Variants in CCDC102B observed in about 807,000 individuals in gnomAD.
CCDC102B encodes coiled-coil domain containing 102B.
CCDC102B carries 75 observed loss-of-function variants against 57.4 expected under a neutral mutation model. The ratio of observed to expected loss-of-function variants is 1.31; its 90% CI spans 1.08 to 1.58. The LOEUF (loss-of-function observed/expected upper bound fraction) is 1.58, where lower values mean the gene tolerates loss of function less well. CCDC102B is among the 40% of genes most tolerant of loss of function. The pLI, the probability that CCDC102B is intolerant of heterozygous loss-of-function variation, is 0.00. For missense variants in CCDC102B, 636 were observed against 582.6 expected (o/e 1.09, Z -0.94); for synonymous variants, 206 against 201.9 (o/e 1.02, Z -0.17).
At chr18:68,790,625 G>A (rs895039799) in intron 2 of CCDC102B, among the ~76,000 whole-genome samples, 4 of 152,090 alleles carry the variant, frequency 2.6e-5, no homozygotes, top group Non-Finnish European at 4.4e-5. Context: ...TCTTTGACTC[G>A]GAAAGGGAAC....
At chr18:69,031,767 C>T (rs1599874047) in intron 7 of CCDC102B, among the ~76,000 whole-genome samples, 1 of 151,870 alleles carries the variant, frequency 6.6e-6, no homozygotes, top group South Asian at 2.1e-4. Flanking sequence ...TGTAGACAGC[C>T]GATGGTGTGG....
upstream of CCDC102B, among the ~76,000 whole-genome samples, chr18:68,796,585 T>C (rs939240617): frequency 2.6e-5 from 4 of 152,072 alleles, no homozygotes; most frequent in Admixed American, 2.6e-4. Flanking sequence ...AGAGAGAATA[T>C]ACCATTTATA....
intron 3 of CCDC102B, among the ~76,000 whole-genome samples, chr18:68,843,429 T>C (rs2037723174): frequency 6.6e-6 from 1 of 152,112 alleles, no homozygotes; most frequent in Non-Finnish European, 1.5e-5. Context: ...ACCTTTCATC[T>C]ATGAGAAATA....
At chr18:68,752,718 A>G (rs917114329) in intron 2 of CCDC102B, among the ~76,000 whole-genome samples, 6 of 152,204 alleles carry the variant, frequency 3.9e-5, no homozygotes, top group East Asian at 1.9e-4. Context: ...ATTCCAAATT[A>G]TGTGTATGTT....
intron 7 of CCDC102B, among the ~76,000 whole-genome samples, chr18:69,039,398 T>C (rs1287268860): frequency 1.3e-5 from 2 of 152,050 alleles, no homozygotes; most frequent in African/African-American, 4.8e-5. Context: ...TTTCACTAAT[T>C]TGGGTCATGT....
intron 6 of CCDC102B, among the ~76,000 whole-genome samples, chr18:68,997,950 C>T (rs1316172017): frequency 6.6e-6 from 1 of 151,772 alleles, no homozygotes; most frequent in African/African-American, 2.4e-5. Flanking sequence ...TGAATCATTA[C>T]TTCTTAGGAT....
At chr18:69,043,458 G>A (rs999693902) in intron 7 of CCDC102B, among the ~76,000 whole-genome samples, 7 of 152,062 alleles carry the variant, frequency 4.6e-5, no homozygotes, top group African/African-American at 1.7e-4. Flanking sequence ...CCATATTTCA[G>A]ACTATCACAT....
chr18:68,723,371 C>T (rs1302210795), intron 2 of CCDC102B, among the ~76,000 whole-genome samples: 1 of 152,136 alleles, frequency 6.6e-6, no homozygotes, highest in Non-Finnish European at 1.5e-5. Context: ...ATGCCTTTCC[C>T]ACAGCCCCCT....
intron 6 of CCDC102B, among the ~76,000 whole-genome samples, chr18:68,934,248 C>T (rs980721627): frequency 2.0e-5 from 3 of 151,886 alleles, no homozygotes; most frequent in African/African-American, 7.2e-5. Context: ...TCGGCAAACT[C>T]TATGAAGATT....
intron 6 of CCDC102B, among the ~76,000 whole-genome samples, chr18:68,945,826 C>T (rs2049523077): frequency 6.6e-6 from 1 of 152,074 alleles, no homozygotes; most frequent in South Asian, 2.1e-4. Flanking sequence ...GATACTACTA[C>T]ATTTTCTAAT....
intron 4 of CCDC102B, among the ~76,000 whole-genome samples, chr18:68,865,412 T>C (rs954072498): frequency 2.6e-5 from 4 of 152,102 alleles, no homozygotes; most frequent in African/African-American, 9.7e-5. Context: ...AGTTCACTGC[T>C]CAGACTGGTT....
chr18:68,729,306 G>T (rs2032754185), intron 2 of CCDC102B, among the ~76,000 whole-genome samples: 1 of 152,120 alleles, frequency 6.6e-6, no homozygotes, highest in Non-Finnish European at 1.5e-5. Flanking sequence ...AAATTTCAAT[G>T]ACAATTTTAA....
At chr18:68,868,273 C>G (rs1218058908) in intron 4 of CCDC102B, among the ~76,000 whole-genome samples, 3 of 151,560 alleles carry the variant, frequency 2.0e-5, no homozygotes, top group Non-Finnish European at 2.9e-5. Context: ...AACAAAAGAC[C>G]ACTGAGATAA....
At chr18:68,841,069 A>G (rs2037607488) in intron 3 of CCDC102B, among the ~76,000 whole-genome samples, 1 of 152,228 alleles carries the variant, frequency 6.6e-6, no homozygotes, top group Non-Finnish European at 1.5e-5. Context: ...ATTTGCATGC[A>G]ATCCGCATGA....
intron 2 of CCDC102B, chr18:68,838,472 A>G: frequency 1.0e-6 from 1 of 985,346 alleles, no homozygotes; most frequent in Non-Finnish European, 1.2e-6. Flanking sequence ...AACAAGAGTT[A>G]AAGCAGAACT....
At chr18:68,832,398 G>T (rs1367130728) in intron 1 of CCDC102B, among the ~76,000 whole-genome samples, 2 of 152,122 alleles carry the variant, frequency 1.3e-5, no homozygotes, top group African/African-American at 4.8e-5. Flanking sequence ...TATTGTTTAT[G>T]ATTGTTAGCA....
intron 6 of CCDC102B, among the ~76,000 whole-genome samples, chr18:68,958,064 C>G (rs12956071): frequency 0.14 from 21,801 of 152,064 alleles, 1,854 homozygotes; most frequent in Non-Finnish European, 0.19. Flanking sequence ...GTCTCACATG[C>G]CAGCAGACAA....
rs142094937 is a variant in CCDC102B, at chr18:69,032,442, C to A, written c.1434+21338C>A. ...TTGGACAATAGTGTTATTCTCTGTA[C>A]AAATAATGAGCATATTACTTAGGTT... On this transcript the variant is annotated intron_variant, in intron 7 of 7. Coordinates refer to ENST00000360242, the MANE Select transcript of CCDC102B (RefSeq NM_024781.3). 2.5e-3 allele frequency among the ~76,000 whole-genome samples: 386 copies of A among 152,210 alleles called. 2 individuals are homozygous for A. The highest frequency in any genetic ancestry group is 8.1e-3 in the African/African-American group (335 of 41,538).
chr18:68,879,558 G>A (rs894768800), intron 5 of CCDC102B, among the ~76,000 whole-genome samples: 3 of 151,820 alleles, frequency 2.0e-5, no homozygotes, highest in African/African-American at 7.3e-5. Flanking sequence ...GATACAGAGT[G>A]TCAACACAAA....
Sources: gnomAD v4.1 joint callset for allele counts (sites outside exome capture counted in the v4.1 genomes callset) on GRCh38, gnomAD v4.1.1 for gene constraint, MANE v1.5 for transcripts, NCBI Gene and HGNC (gene_info 2026-07-23, HGNC 2026-07-21) for gene names.